ATF7IP2: variants seen among roughly 807,000 people sequenced by gnomAD.
ATF7IP2 encodes activating transcription factor 7 interacting protein 2.
In ATF7IP2, 42 loss-of-function variants were observed where a neutral mutation model predicts 64.2. The ratio of observed to expected loss-of-function variants is 0.65; its 90% CI spans 0.51 to 0.85. The LOEUF is 0.85. Ranked by LOEUF, ATF7IP2 falls within the 40% of genes least tolerant of loss-of-function variation. The pLI is 0.00. For missense variants in ATF7IP2, 933 were observed against 784.2 expected, an observed-to-expected ratio of 1.19 and a Z score of -2.27; for synonymous variants, 308 against 272.8, an observed-to-expected ratio of 1.13 and a Z score of -1.27.
rs1024829316 is a variant in ATF7IP2, at chr16:10,471,950, T to C, written c.1353-160T>C. The C allele has an allele frequency of 3.4e-5, 15 of 436,802 alleles. No homozygotes were observed. The East Asian group carries it at 4.2e-4, about 12-fold the overall frequency. The allele number at this position is 436,802 out of a possible 1,614,324, so 27.1% of individuals were successfully genotyped here. On this transcript the variant is annotated intron_variant, in intron 9 of 13. Transcript: ENST00000562102. The stretch of plus-strand genomic sequence containing the variant: ...TAACGGAACTGGTAATAAATGGAGT[T>C]TTTTTGGGTATTTGGTTTTATCATT...
intron 2 of ATF7IP2, among the ~76,000 whole-genome samples, chr16:10,418,364 T>A (rs1463637730): frequency 6.6e-6 from 1 of 152,204 alleles, no homozygotes; most frequent in Non-Finnish European, 1.5e-5. Context: ...AGATTTTGTT[T>A]ATGGCCAGTT....
At chr16:10,392,185 C>G (rs1412571537) in intron 1 of ATF7IP2, among the ~76,000 whole-genome samples, 2 of 151,304 alleles carry the variant, frequency 1.3e-5, no homozygotes, top group African/African-American at 4.9e-5. Flanking sequence ...TCCCAAGTAG[C>G]ACCCGCCACC....
At chr16:10,401,411 G>T (rs577889687) in intron 1 of ATF7IP2, among the ~76,000 whole-genome samples, 2 of 152,004 alleles carry the variant, frequency 1.3e-5, no homozygotes, top group East Asian at 3.9e-4. Context: ...CTTGTGATCC[G>T]CCCACCTCGG....
intron 7 of ATF7IP2, among the ~76,000 whole-genome samples, chr16:10,439,651 G>C (rs762143553): frequency 5.4e-5 from 8 of 148,964 alleles, no homozygotes; most frequent in Admixed American, 1.3e-4. Context: ...TCCTGCCTCA[G>C]CCTCCCGAGT....
chr16:10,482,060 T>G lies in ATF7IP2; in HGVS notation c.1860T>G (p.Ser620=). 1 of 1,614,100 alleles carries G rather than the reference T, an allele frequency of 6.2e-7. No individual in the cohort carries two copies. The highest frequency in any genetic ancestry group is 1.1e-5 in the South Asian group (1 of 91,072). ...SYHLFLCHEN[S]NNKLIWKKIG... ...ACCTCTTCCTGTGTCATGAGAACTC[T>G]AATAATAAGTTGATTTGGAAGAAGA... The change falls in exon 14 of 14, where the codon TCT becomes TCG. Residue 620 remains serine, a synonymous_variant. Transcript: ENST00000562102.
intron 9 of ATF7IP2, among the ~76,000 whole-genome samples, chr16:10,463,001 T>A (rs1335985822): frequency 6.6e-6 from 1 of 152,214 alleles, no homozygotes; most frequent in Non-Finnish European, 1.5e-5. Flanking sequence ...TTCTTGGTTA[T>A]TTTTTACAAA....
chr16:10,395,484 A>C lies in ATF7IP2; in HGVS notation c.-242+9362A>C, dbSNP rs535640024. ...GATACCAAAAGCAGACCCCAATACT[A>C]TAGGAAAAGAAAACTGCAGAACGAT... On this transcript the variant is annotated intron_variant, in intron 1 of 13. Coordinates refer to ENST00000562102, the MANE Select transcript of ATF7IP2 (RefSeq NM_001393719.1). 1.3e-3 allele frequency among the ~76,000 whole-genome samples: 192 copies of C among 152,316 alleles called. 1 individual carries two copies. Among genetic ancestry groups the C allele is most frequent in the African/African-American group, 4.3e-3 (179 of 41,586 alleles).
At chr16:10,437,548 A>G (rs1199907629) in intron 6 of ATF7IP2, among the ~76,000 whole-genome samples, 1 of 152,320 alleles carries the variant, frequency 6.6e-6, no homozygotes, top group East Asian at 1.9e-4. Flanking sequence ...CACTTGTTCA[A>G]CATTTATTAT....
intron 3 of ATF7IP2, among the ~76,000 whole-genome samples, chr16:10,428,383 GC>G (rs1302041307): frequency 1.3e-5 from 2 of 152,138 alleles, no homozygotes; most frequent in Non-Finnish European, 2.9e-5. Context: ...CCTTAGAAGG[GC>G]CATAGTAACA....
intron 9 of ATF7IP2, among the ~76,000 whole-genome samples, chr16:10,465,959 A>C (rs558889659): frequency 6.6e-6 from 1 of 152,318 alleles, no homozygotes; most frequent in East Asian, 1.9e-4. Context: ...ACAGTATGTT[A>C]GCCTGATGAA....
At chr16:10,442,958 A>G (rs867986800) in intron 8 of ATF7IP2, among the ~76,000 whole-genome samples, 1 of 152,202 alleles carries the variant, frequency 6.6e-6, no homozygotes, top group Non-Finnish European at 1.5e-5. Flanking sequence ...GGTACCCCTC[A>G]TGGGACTCCA....
chr16:10,423,096 T>C (rs1054505087), intron 3 of ATF7IP2, among the ~76,000 whole-genome samples: 4 of 152,016 alleles, frequency 2.6e-5, no homozygotes, highest in African/African-American at 9.7e-5. Context: ...TACAAAAAAT[T>C]AGCCAGGCGT....
chr16:10,480,927 C>CA lies in ATF7IP2; in HGVS notation c.1601dup (p.Glu535GlyfsTer14). Reference sequence around the variant, plus strand: ...TCACATTCGAAAGCTGCTTCAAACTCAAAGGAAACAACCCCATTGGCACAA... The same window carrying CA: ...TCACATTCGAAAGCTGCTTCAAACTCAAAAGGAAACAACCCCATTGGCACAA... On this transcript the variant is annotated frameshift_variant, in exon 13 of 14. Transcript: ENST00000562102. LOFTEE classifies it high-confidence loss of function. 6.2e-7 allele frequency: 1 copy of CA among 1,613,062 alleles called. No individual in the cohort carries two copies. Among genetic ancestry groups the CA allele is most frequent in the Non-Finnish European group, 8.5e-7 (1 of 1,179,100 alleles).
chr16:10,482,365 G>T lies in ATF7IP2; in HGVS notation c.*116G>T. ...CTCAGATTGTGAGCCCTTTCTATTG[G>T]GACAGTCCTCTTCTATATGTTTTAA... On this transcript the variant is annotated 3_prime_UTR_variant, in exon 14 of 14. Transcript: ENST00000562102. The T allele has an allele frequency of 2.7e-6, 2 of 732,768 alleles. No homozygotes were observed. The highest frequency in any genetic ancestry group is 2.7e-5 in the East Asian group (1 of 37,232). 45.4% of individuals were successfully genotyped at this position (732,768 alleles called of 1,614,324 possible).
At chr16:10,442,091 T>G (rs1042104177) in intron 8 of ATF7IP2, among the ~76,000 whole-genome samples, 1 of 152,220 alleles carries the variant, frequency 6.6e-6, no homozygotes, top group Non-Finnish European at 1.5e-5. Flanking sequence ...ATTTAGCATT[T>G]AGAATAGGAT....
chr16:10,399,169 A>G (rs186593883), intron 1 of ATF7IP2, among the ~76,000 whole-genome samples: 1 of 152,332 alleles, frequency 6.6e-6, no homozygotes, highest in East Asian at 1.9e-4. Flanking sequence ...GTCAGTAACA[A>G]TATGCTGTAT....
Position 10,482,041 on chromosome 16 carries a change from T to TC in ATF7IP2, c.1843dup (p.Leu615ProfsTer4). 6.2e-7 allele frequency: 1 copy of TC among 1,613,894 alleles called. No homozygotes were observed. The highest frequency in any genetic ancestry group is 8.5e-7 in the Non-Finnish European group (1 of 1,179,826). ...GCTCCTGTAGAAAGCTACCACCTCT[T>TC]CCTGTGTCATGAGAACTCTAATAAT... On this transcript the variant is annotated frameshift_variant, in exon 14 of 14. Transcript: ENST00000562102. LOFTEE classifies it high-confidence loss of function.
At chr16:10,447,395 C>T (rs1298367819) in intron 8 of ATF7IP2, 1 of 152,128 alleles carries the variant, frequency 6.6e-6, no homozygotes, top group Non-Finnish European at 1.5e-5. Context: ...TGACCGGAGA[C>T]CCTTCTCCGG....
At chr16:10,434,702 T>A (rs977680999) in intron 6 of ATF7IP2, among the ~76,000 whole-genome samples, 1 of 152,218 alleles carries the variant, frequency 6.6e-6, no homozygotes, top group Non-Finnish European at 1.5e-5. Context: ...TAAGCATGGA[T>A]CCTAGCCCTA....
Sources: gnomAD v4.1 joint callset for allele counts (sites outside exome capture counted in the v4.1 genomes callset) on GRCh38, gnomAD v4.1.1 for gene constraint, MANE v1.5 for transcripts, NCBI Gene and HGNC (gene_info 2026-07-23, HGNC 2026-07-21) for gene names.